Variants in CRY2 observed in about 807,000 individuals in gnomAD.
CRY2 encodes cryptochrome-2.
In CRY2, 31 loss-of-function variants were observed where a neutral mutation model predicts 69.5. The observed-to-expected ratio is 0.45, with a 90% CI of 0.34 to 0.60. The LOEUF (loss-of-function observed/expected upper bound fraction) is 0.60, where lower values mean the gene tolerates loss of function less well. CRY2 is among the 20% of genes least tolerant of loss of function. The pLI is 0.02. For synonymous variants in CRY2, 303 were observed against 312.2 expected, an observed-to-expected ratio of 0.97 and a Z score of 0.31; for missense variants, 606 against 797.8, an observed-to-expected ratio of 0.76 and a Z score of 2.90.
chr11:45,848,466 G>A (rs1590759472), intron 1 of CRY2, among the ~76,000 whole-genome samples: 1 of 152,242 alleles, frequency 6.6e-6, no homozygotes, highest in Middle Eastern at 3.4e-3. Context: ...GATTTTAGAG[G>A]ACAGTAGAGC....
Position 45,882,576 on chromosome 11 carries a change from A to G in CRY2, c.*1665A>G, listed in dbSNP as rs779028477. On this transcript the variant is annotated 3_prime_UTR_variant, in exon 12 of 12. Coordinates refer to ENST00000616080, the MANE Select transcript of CRY2 (RefSeq NM_021117.5). ...GCCAGAGAGCTGCCTTTAGAGTCCAACTGTTGTACGTATGTCACCTTCACT... is the reference window on the plus strand; with the variant it reads ...GCCAGAGAGCTGCCTTTAGAGTCCAGCTGTTGTACGTATGTCACCTTCACT... The G allele has an allele frequency of 4.5e-5, 18 of 399,064 alleles. No individual in the cohort carries two copies. The highest frequency in any genetic ancestry group is 2.5e-4 in the East Asian group (7 of 28,072). 24.7% of individuals were successfully genotyped at this position (399,064 alleles called of 1,614,324 possible).
At position 45,870,394 on chromosome 11, in the gene CRY2, G is replaced by A. The variant is rs770473551; in HGVS notation, c.1411G>A (p.Glu471Lys). Residue 471 changes from glutamate (E) to lysine (K), a missense_variant, in exon 9 of 12, where the codon GAG becomes AAG. Around this residue, in one of 5 missense-constraint regions of CRY2, gnomAD observed 173 missense variants for 213.7 expected, o/e 0.81. Transcript: ENST00000616080. ...CATCTATGAGCCCTGGAATGCCCCAGAGTCAATTCAGAAGGCAGCCAAGTG... is the reference window on the plus strand; with the variant it reads ...CATCTATGAGCCCTGGAATGCCCCAAAGTCAATTCAGAAGGCAGCCAAGTG... ...RYIYEPWNAP[E>K]SIQKAAKCII... 1.9e-6 allele frequency: 3 copies of A among 1,614,242 alleles called. No homozygotes were observed. Among genetic ancestry groups the A allele is most frequent in the Middle Eastern group, 1.6e-4 (1 of 6,062 alleles).
At chr11:45,872,262 C>T in intron 11 of CRY2, 29 bp downstream of exon 11, 1 of 1,606,942 alleles carries the variant, frequency 6.2e-7, no homozygotes, top group East Asian at 2.2e-5. Flanking sequence ...GATTCAACCT[C>T]AGGAAGGAAG....
chr11:45,870,028 G>T, intron 7 of CRY2, 25 bp from the exon 8 acceptor site: 1 of 1,571,748 alleles, frequency 6.4e-7, no homozygotes. Flanking sequence ...CCCCAAGGAG[G>T]CTGATCATCC....
intron 1 of CRY2, 94 bp from the exon 2 acceptor site, chr11:45,855,888 G>T: frequency 9.3e-7 from 1 of 1,071,826 alleles, no homozygotes; most frequent in East Asian, 2.4e-5. Flanking sequence ...TGCCTGTTGG[G>T]CATAAACAGC....
chr11:45,869,780 G>T lies in CRY2; in HGVS notation c.1157G>T (p.Arg386Leu), dbSNP rs1357448873. Residue 386 changes from arginine (R) to leucine (L), a missense_variant, in exon 7 of 12, where the codon CGC (arginine) becomes CTC (leucine). This residue lies in a region of CRY2 where 382 missense variants were observed against 508.9 expected (regional missense o/e 0.75). Coordinates refer to ENST00000616080, the MANE Select transcript of CRY2 (RefSeq NM_021117.5). Reference protein sequence around the residue: ...ARHAVACFLTRGDLWVSWESG... With the variant: ...ARHAVACFLTLGDLWVSWESG... ...CATGCCGTGGCCTGCTTCCTGACCC[G>T]CGGGGACCTCTGGGTCAGCTGGGAG... 1 of 1,612,354 alleles carries T rather than the reference G, an allele frequency of 6.2e-7. No homozygotes were observed. Among genetic ancestry groups the T allele is most frequent in the Non-Finnish European group, 8.5e-7 (1 of 1,178,816 alleles).
chr11:45,868,478 G>C (rs945152116), intron 6 of CRY2, among the ~76,000 whole-genome samples: 3 of 152,162 alleles, frequency 2.0e-5, no homozygotes, highest in Non-Finnish European at 4.4e-5. Flanking sequence ...CTCTCAAGTA[G>C]AGCTAATTTT....
chr11:45,858,085 C>G (rs2086256686), intron 2 of CRY2, among the ~76,000 whole-genome samples: 1 of 152,206 alleles, frequency 6.6e-6, no homozygotes. Context: ...TCTAGAAATT[C>G]CTACCAGAAA....
intron 4 of CRY2, 81 bp downstream of exon 4, chr11:45,861,113 A>G: frequency 6.9e-7 from 1 of 1,453,290 alleles, no homozygotes; most frequent in Non-Finnish European, 9.2e-7. Flanking sequence ...AATGCATGTC[A>G]TTATAGAAAG....
chr11:45,872,886 G>C (rs917064521), intron 11 of CRY2, among the ~76,000 whole-genome samples: 1 of 152,198 alleles, frequency 6.6e-6, no homozygotes, highest in African/African-American at 2.4e-5. Context: ...GTGTTCTATA[G>C]GCCAGCCAGT....
At chr11:45,858,140 C>G (rs1447662502) in intron 2 of CRY2, 1 of 152,266 alleles carries the variant, frequency 6.6e-6, no homozygotes, top group Non-Finnish European at 1.5e-5. Flanking sequence ...CAACATGTAG[C>G]CCCTCTGGTC....
intron 10 of CRY2, among the ~76,000 whole-genome samples, chr11:45,871,297 G>A (rs1219571802): frequency 1.3e-5 from 2 of 152,160 alleles, no homozygotes; most frequent in Non-Finnish European, 2.9e-5. Context: ...CTCACAAACA[G>A]TACCGAGCTT....
At position 45,870,918 on chromosome 11, in the gene CRY2, C is replaced by T. The variant is rs1415614185; in HGVS notation, c.1626C>T (p.Gly542=). The change falls in exon 10 of 12, where the codon GGC becomes GGT. Residue 542 remains glycine, a synonymous_variant. Transcript: ENST00000616080. ...CAGAGCCCAGCTCGAGCCAGGCTGG[C>T]AGCATGAGCAGTGCAGGTGAGCAGC... is the stretch of plus-strand genomic sequence containing the variant. ...PVAEPSSSQA[G]SMSSAGPRPL... is the part of the protein sequence containing the mutation. 2 of 1,611,308 alleles carry T rather than the reference C, an allele frequency of 1.2e-6. No individual in the cohort carries two copies. The highest frequency in any genetic ancestry group is 3.3e-5 in the Admixed American group (2 of 60,008).
intron 1 of CRY2, 29 bp downstream of exon 1, chr11:45,847,734 G>C (rs896475329): frequency 1.1e-5 from 17 of 1,526,468 alleles, no homozygotes; most frequent in Admixed American, 2.0e-5. Flanking sequence ...GGGTGGCGGG[G>C]ACGCAGCCAG....
intron 5 of CRY2, among the ~76,000 whole-genome samples, chr11:45,862,660 TC>T (rs1488642843): frequency 6.6e-6 from 1 of 152,316 alleles, no homozygotes; most frequent in African/African-American, 2.4e-5. Context: ...GTGGGCAGGT[TC>T]CCCCTACTAA....
intron 1 of CRY2, among the ~76,000 whole-genome samples, chr11:45,854,512 C>T (rs1000328210): frequency 1.8e-4 from 28 of 152,104 alleles, no homozygotes; most frequent in African/African-American, 6.8e-4. Flanking sequence ...GGTGAAACCC[C>T]ATCTCTACTA....
chr11:45,879,765 G>T (rs117293689), intron 11 of CRY2, among the ~76,000 whole-genome samples: 1 of 152,320 alleles, frequency 6.6e-6, no homozygotes, highest in East Asian at 1.9e-4. Flanking sequence ...ACCACAGACT[G>T]GGTGGCTTAA....
In CRY2 at chr11:45,875,904, G is replaced by A. The variant is rs140951000; in HGVS notation, c.*2+3671G>A. Among the ~76,000 whole-genome samples the A allele has an allele frequency of 2.9e-3, 449 of 152,314 alleles. 3 individuals carry two copies. In the East Asian group the frequency reaches 0.032, roughly 11 times the overall value. On this transcript the variant is annotated intron_variant, in intron 11 of 11. Transcript: ENST00000616080. ...AATATGTAAAATGCACTATGCAAAT[G>A]GAATCACATTATCATCTTGCACTTT... is the stretch of plus-strand genomic sequence containing the variant.
chr11:45,870,469 A>G lies in CRY2; in HGVS notation c.1486A>G (p.Ser496Gly). 6.2e-7 allele frequency: 1 copy of G among 1,614,238 alleles called. No homozygotes were observed. The highest frequency in any genetic ancestry group is 1.6e-4 in the Middle Eastern group (1 of 6,062). ...GCCCATCGTCAACCATGCCGAGACCAGCCGGCTTAACATTGAACGAATGAA... is the reference window on the plus strand; with the variant it reads ...GCCCATCGTCAACCATGCCGAGACCGGCCGGCTTAACATTGAACGAATGAA... ...PRPIVNHAET[S>G]RLNIERMKQI... Residue 496 changes from serine to glycine, a missense_variant, in exon 9 of 12, where the codon AGC (serine) becomes GGC (glycine). Coordinates refer to ENST00000616080, the MANE Select transcript of CRY2 (RefSeq NM_021117.5).
Sources: gnomAD v4.1 joint callset for allele counts (sites outside exome capture counted in the v4.1 genomes callset) on GRCh38, gnomAD v4.1.1 for gene constraint, gnomAD v4.1.1 regional missense constraint, MANE v1.5 for transcripts, NCBI Gene and HGNC (gene_info 2026-07-23, HGNC 2026-07-21) for gene names.